The following NCAM1 variants were observed in gnomAD, a reference collection of about 807,000 sequenced individuals.
NCAM1 encodes antigen recognized by monoclonal antibody 5.1H11.
A neutral mutation model predicts 109.8 loss-of-function variants in NCAM1; 14 were observed. The observed-to-expected ratio is 0.13, with a 90% CI of 0.08 to 0.20. The LOEUF (loss-of-function observed/expected upper bound fraction) is 0.20, where lower values mean the gene tolerates loss of function less well. Ranked by LOEUF, NCAM1 falls within the 10% of genes least tolerant of loss-of-function variation. The pLI, the probability that NCAM1 is intolerant of heterozygous loss-of-function variation, is 1.00. For synonymous variants in NCAM1, 418 were observed against 442.9 expected (o/e 0.94, Z 0.70); for missense variants, 774 against 1,109.9 (o/e 0.70, Z 4.30).
chr11:113,081,212 C>T (rs537697623), intron 1 of NCAM1, among the ~76,000 whole-genome samples: 17 of 152,270 alleles, frequency 1.1e-4, no homozygotes, highest in African/African-American at 4.1e-4. Context: ...CTGCGCTTAC[C>T]TTTGTGCTAC....
At chr11:112,974,379 T>G (rs530315920) in intron 1 of NCAM1, among the ~76,000 whole-genome samples, 1 of 152,154 alleles carries the variant, frequency 6.6e-6, no homozygotes, top group African/African-American at 2.4e-5. Flanking sequence ...CCTGGCTGCC[T>G]ATTAGTAAAG....
chr11:113,197,375 C>A (rs1279222434), intron 1 of NCAM1, among the ~76,000 whole-genome samples: 1 of 152,200 alleles, frequency 6.6e-6, no homozygotes, highest in Non-Finnish European at 1.5e-5. Flanking sequence ...AACAATTCTC[C>A]ATTACAGTGG....
chr11:113,157,136 G>GAC (rs112454729), intron 1 of NCAM1, among the ~76,000 whole-genome samples: 7,891 of 146,900 alleles, frequency 0.054, 344 homozygotes, highest in African/African-American at 0.13. Flanking sequence ...GTTTCCCTGA[G>GAC]ACACACACAC....
chr11:112,980,292 TAAAC>T (rs1473787257), intron 1 of NCAM1, among the ~76,000 whole-genome samples: 1 of 151,846 alleles, frequency 6.6e-6, no homozygotes, highest in Non-Finnish European at 1.5e-5. Context: ...TGGCAGTTCT[TAAAC>T]AGAGTTACCA....
At chr11:113,184,984 C>A (rs1181557475) in intron 1 of NCAM1, among the ~76,000 whole-genome samples, 1 of 148,648 alleles carries the variant, frequency 6.7e-6, no homozygotes, top group Non-Finnish European at 1.5e-5. Flanking sequence ...GAAAGAGAAC[C>A]AATAGGAGAT....
At chr11:113,034,539 A>G (rs1220167980) in intron 1 of NCAM1, among the ~76,000 whole-genome samples, 2 of 152,046 alleles carry the variant, frequency 1.3e-5, no homozygotes, top group African/African-American at 4.8e-5. Flanking sequence ...TCTTGTGGTT[A>G]TTTCTTTTCT....
intron 14 of NCAM1, chr11:113,240,703 G>T: frequency 1.5e-6 from 2 of 1,298,266 alleles, no homozygotes; most frequent in South Asian, 1.2e-5. Flanking sequence ...GATGCCCCAG[G>T]GTTGTTGCTT....
intron 8 of NCAM1, among the ~76,000 whole-genome samples, chr11:113,218,747 T>C (rs899392924): frequency 6.6e-6 from 1 of 152,240 alleles, no homozygotes; most frequent in Admixed American, 6.5e-5. Flanking sequence ...ACCTAATTGT[T>C]TGGATCATCG....
At chr11:113,270,420 CT>C (rs1946241373) in intron 18 of NCAM1, 25 bp downstream of exon 18, 1 of 1,611,702 alleles carries the variant, frequency 6.2e-7, no homozygotes, top group African/African-American at 1.3e-5. Flanking sequence ...GTCCACCTTG[CT>C]GAGGTTTGGG....
chr11:113,097,417 G>A (rs565233309), intron 1 of NCAM1, among the ~76,000 whole-genome samples: 11 of 152,252 alleles, frequency 7.2e-5, no homozygotes, highest in Admixed American at 6.5e-4. Context: ...TAGAAATTGA[G>A]TAAGTTTGTT....
chr11:113,037,083 G>C (rs1555079274), intron 1 of NCAM1, among the ~76,000 whole-genome samples: 1 of 152,078 alleles, frequency 6.6e-6, no homozygotes, highest in Admixed American at 6.6e-5. Flanking sequence ...TTATATCTGA[G>C]TTTTTATCAG....
At chr11:113,229,784 G>C (rs1447456331) in intron 9 of NCAM1, among the ~76,000 whole-genome samples, 12 of 152,132 alleles carry the variant, frequency 7.9e-5, no homozygotes, top group Admixed American at 7.9e-4. Flanking sequence ...TCCTTTGTAG[G>C]GACATGGATG....
chr11:113,048,528 T>G (rs1953349553), intron 1 of NCAM1, among the ~76,000 whole-genome samples: 1 of 152,208 alleles, frequency 6.6e-6, no homozygotes, highest in Non-Finnish European at 1.5e-5. Flanking sequence ...GTTGGTAGCT[T>G]TACTACCCAT....
Position 113,270,198 on chromosome 11 carries a change from C to T in NCAM1, c.2142C>T (p.Ser714=), listed in dbSNP as rs782405496. 1 of 1,613,952 alleles carries T rather than the reference C, an allele frequency of 6.2e-7. No homozygotes were observed. Among genetic ancestry groups the T allele is most frequent in the South Asian group, 1.1e-5 (1 of 91,078 alleles). ...TCTCTCCCACTCAAGCCAACGGCAG[C>T]CCCACCTCAGGCCTGAGCACCGGGG... ...AQPTAIPANG[S]PTSGLSTGAI... The change falls in exon 18 of 20, where the codon AGC becomes AGT. Residue 714 remains serine (S), a synonymous_variant. Coordinates refer to ENST00000316851, the MANE Select transcript of NCAM1 (RefSeq NM_181351.5).
chr11:113,046,126 A>G (rs919953478), intron 1 of NCAM1, among the ~76,000 whole-genome samples: 1 of 152,172 alleles, frequency 6.6e-6, no homozygotes, highest in Admixed American at 6.5e-5. Context: ...GATTGCTGTG[A>G]AAAAAACAGA....
chr11:113,100,900 A>G (rs527729729), intron 1 of NCAM1, among the ~76,000 whole-genome samples: 4 of 152,282 alleles, frequency 2.6e-5, no homozygotes, highest in Non-Finnish European at 5.9e-5. Flanking sequence ...TCCTGTCAGT[A>G]TCACTGTGGC....
Position 112,997,505 on chromosome 11 carries a change from A to G in NCAM1, c.52+35841A>G, listed in dbSNP as rs143327433. Among the ~76,000 whole-genome samples the G allele has an allele frequency of 2.0e-3, 301 of 152,238 alleles. 1 individual carries two copies. The highest frequency in any genetic ancestry group is 6.9e-3 in the African/African-American group (288 of 41,542). On this transcript the variant is annotated intron_variant, in intron 1 of 19. Transcript: ENST00000316851. ...TCTGGGGACAGTGTTCATTATTTTC[A>G]ATTTTCCTTTTATAAAGATCCAAAT...
chr11:112,992,525 G>A (rs1253936893), intron 1 of NCAM1, among the ~76,000 whole-genome samples: 2 of 140,540 alleles, frequency 1.4e-5, no homozygotes, highest in South Asian at 2.2e-4. Context: ...TTTTTGAGAC[G>A]GAGTCTCACT....
At chr11:113,242,867 C>T in intron 14 of NCAM1, 5 of 1,613,898 alleles carry the variant, frequency 3.1e-6, no homozygotes, top group African/African-American at 1.3e-5. Flanking sequence ...GGCTGAGTTG[C>T]TCTCGGCCAG....
Sources: allele counts gnomAD v4.1 joint callset (sites outside exome capture counted in the v4.1 genomes callset), GRCh38; gene constraint gnomAD v4.1.1; transcripts MANE v1.5; gene names NCBI Gene and HGNC (gene_info 2026-07-23, HGNC 2026-07-21).